Variants in RASSF8 observed in about 807,000 individuals in gnomAD.
RASSF8 encodes Ras association domain family member 8.
A neutral mutation model predicts 48.5 loss-of-function variants in RASSF8; 22 were observed. The ratio of observed to expected loss-of-function variants is 0.45; its 90% confidence interval spans 0.32 to 0.65. RASSF8 has a LOEUF of 0.65. RASSF8 is among the 30% of genes least tolerant of loss of function. The probability of loss-of-function intolerance (pLI) is 0.03; values close to 1 mark genes in which losing one functional copy is unlikely to be tolerated. For missense variants in RASSF8, 418 were observed against 489.2 expected (o/e 0.85, Z 1.37); for synonymous variants, 127 against 171.5 (o/e 0.74, Z 2.03).
At chr12:26,034,464 C>T (rs1013381411) in intron 2 of RASSF8, among the ~76,000 whole-genome samples, 2 of 151,844 alleles carry the variant, frequency 1.3e-5, no homozygotes, top group South Asian at 4.2e-4. Context: ...TATGTTGGGC[C>T]GCATTTAAAG....
At chr12:26,012,485 AAGG>A (rs1351908370) in intron 2 of RASSF8, among the ~76,000 whole-genome samples, 5 of 152,156 alleles carry the variant, frequency 3.3e-5, no homozygotes, top group Non-Finnish European at 7.3e-5. Flanking sequence ...GTTTCTGAAA[AAGG>A]AGGAATAGAC....
chr12:25,962,216 A>C (rs773782455), intron 1 of RASSF8, among the ~76,000 whole-genome samples: 4 of 152,190 alleles, frequency 2.6e-5, no homozygotes, highest in Non-Finnish European at 5.9e-5. Context: ...CATCTTGGCC[A>C]GTTCTCCAGC....
At position 25,962,769 on chromosome 12, in the gene RASSF8, C is replaced by T. The variant is rs115260720; in HGVS notation, c.-203+3621C>T. 2.7e-3 allele frequency among the ~76,000 whole-genome samples: 404 copies of T among 152,184 alleles called. 4 individuals carry two copies. Among genetic ancestry groups the T allele is most frequent in the African/African-American group, 9.4e-3 (389 of 41,508 alleles). On this transcript the variant is annotated intron_variant, in intron 1 of 5. Coordinates refer to ENST00000689635, the MANE Select transcript of RASSF8 (RefSeq NM_001394098.1). ...GCCTTCTTTATCACTGTTAAATTTGCTTTTCATGATAGAAAAGCCAGACCC... is the reference window on the plus strand; with the variant it reads ...GCCTTCTTTATCACTGTTAAATTTGTTTTTCATGATAGAAAAGCCAGACCC...
At chr12:26,011,854 C>G (rs1385498704) in intron 2 of RASSF8, 1 of 152,168 alleles carries the variant, frequency 6.6e-6, no homozygotes, top group Non-Finnish European at 1.5e-5. Context: ...TCATAAGCCA[C>G]CCAGTTTATG....
chr12:26,026,689 GC>G (rs1186635165), intron 2 of RASSF8, among the ~76,000 whole-genome samples: 1 of 152,102 alleles, frequency 6.6e-6, no homozygotes, highest in Non-Finnish European at 1.5e-5. Context: ...GCCCACCTCG[GC>G]CCCCCAAAGT....
chr12:26,003,543 T>A (rs1942313261), intron 2 of RASSF8, among the ~76,000 whole-genome samples: 1 of 152,088 alleles, frequency 6.6e-6, no homozygotes, highest in Admixed American at 6.6e-5. Flanking sequence ...TTTTAACTCT[T>A]TAATGAAATG....
intron 2 of RASSF8, among the ~76,000 whole-genome samples, chr12:26,041,321 AT>A (rs1403154080): frequency 6.6e-6 from 1 of 152,034 alleles, no homozygotes; most frequent in Non-Finnish European, 1.5e-5. Flanking sequence ...GCTTTTAGAG[AT>A]TTTCATTCTT....
chr12:26,047,281 C>A (rs1255655682), intron 2 of RASSF8, among the ~76,000 whole-genome samples: 1 of 152,068 alleles, frequency 6.6e-6, no homozygotes, highest in East Asian at 1.9e-4. Flanking sequence ...TGTAAGGTCC[C>A]ATATTGTTCC....
In RASSF8 at chr12:26,070,122, T is replaced by G. The variant is rs1943969373; in HGVS notation, c.*1304T>G. The G allele has an allele frequency of 1.0e-6, 1 of 971,830 alleles. No homozygotes were observed. The highest frequency in any genetic ancestry group is 1.2e-6 in the Non-Finnish European group (1 of 817,678). The allele number at this position is 971,830 out of a possible 1,614,324, so 60.2% of individuals were successfully genotyped here. ...TTCCCTCTGGTTAGATTTGGTACAG[T>G]ATAATTAAGACTTTAATCTGAAATT... is the stretch of plus-strand genomic sequence containing the variant. On this transcript the variant is annotated 3_prime_UTR_variant, in exon 6 of 6. Coordinates refer to ENST00000689635, the MANE Select transcript of RASSF8 (RefSeq NM_001394098.1).
chr12:26,050,146 G>A (rs1366653481), intron 2 of RASSF8, among the ~76,000 whole-genome samples: 1 of 152,084 alleles, frequency 6.6e-6, no homozygotes, highest in South Asian at 2.1e-4. Context: ...TTGATTCATA[G>A]CATGTTTTAT....
chr12:26,070,600 C>A lies in RASSF8; in HGVS notation c.*1782C>A, dbSNP rs1481544765. On this transcript the variant is annotated 3_prime_UTR_variant, in exon 6 of 6. Transcript: ENST00000689635. ...ATTTATAGTAGTTATTTTCTATCTACCTATATTTAAAATTAGGATGATTAA... is the reference window on the plus strand; with the variant it reads ...ATTTATAGTAGTTATTTTCTATCTAACTATATTTAAAATTAGGATGATTAA... 2 of 961,910 alleles carry A rather than the reference C, an allele frequency of 2.1e-6. No individual in the cohort carries two copies. The highest frequency in any genetic ancestry group is 2.5e-6 in the Non-Finnish European group (2 of 808,856). The allele number at this position is 961,910 out of a possible 1,614,324, so 59.6% of individuals were successfully genotyped here. A position where few individuals can be genotyped will look rare whatever the true frequency, so the allele number is the denominator to read the frequency against.
rs56895234 is a variant in RASSF8 at position 26,019,563 on chromosome 12, C to CTGTG, written c.-109+24471_-109+24474dup. Among the ~76,000 whole-genome samples, 512 of 148,302 alleles carry CTGTG rather than the reference C, an allele frequency of 3.5e-3. 5 individuals carry two copies. Among genetic ancestry groups the CTGTG allele is most frequent in the Middle Eastern group, 0.027 (8 of 292 alleles). On this transcript the variant is annotated intron_variant, in intron 2 of 5. Coordinates refer to ENST00000689635, the MANE Select transcript of RASSF8 (RefSeq NM_001394098.1). ...GCTTGTGTGGAAGTTCGGGCATACA[C>CTGTG]TGTGTGTGTGTGTGTGTGTGTGTGT...
At chr12:26,079,317 G>T (rs972358048) in exon 6 of RASSF8, 1 of 315,424 alleles carries the variant, frequency 3.2e-6, no homozygotes. Flanking sequence ...GGGCATGGTG[G>T]CTCACGCCTG....
intron 3 of RASSF8, among the ~76,000 whole-genome samples, chr12:26,057,817 A>G (rs777456481): frequency 3.3e-5 from 5 of 152,200 alleles, no homozygotes; most frequent in Non-Finnish European, 7.3e-5. Flanking sequence ...AATGATCGCC[A>G]TTCCAACTGG....
At chr12:26,016,206 GTTTTT>G (rs35863199) in intron 2 of RASSF8, among the ~76,000 whole-genome samples, 1 of 144,074 alleles carries the variant, frequency 6.9e-6, no homozygotes, top group African/African-American at 2.5e-5. Context: ...CTGTTTTTGG[GTTTTT>G]TTTTTTTTTT....
At chr12:26,025,255 C>G (rs1270948832) in intron 2 of RASSF8, among the ~76,000 whole-genome samples, 2 of 151,928 alleles carry the variant, frequency 1.3e-5, no homozygotes, top group Non-Finnish European at 2.9e-5. Context: ...TAGGCAAGAA[C>G]ATGAGATAAG....
intron 2 of RASSF8, among the ~76,000 whole-genome samples, chr12:26,000,982 C>CTTTTTTTT (rs34793650): frequency 2.0e-4 from 16 of 81,046 alleles, no homozygotes; most frequent in South Asian, 4.8e-4. Context: ...TTAAAATTTC[C>CTTTTTTTT]TTTTTTTTTT....
chr12:26,035,958 A>G (rs1446890882), intron 2 of RASSF8, among the ~76,000 whole-genome samples: 2 of 146,742 alleles, frequency 1.4e-5, no homozygotes, highest in East Asian at 1.9e-4. Flanking sequence ...TATATATTAT[A>G]TATTTATAAT....
chr12:25,976,315 C>T lies in RASSF8; in HGVS notation c.-203+17167C>T, dbSNP rs145552150. Among the ~76,000 whole-genome samples, 360 of 152,358 alleles carry T rather than the reference C, an allele frequency of 2.4e-3. 1 individual carries two copies. The highest frequency in any genetic ancestry group is 8.2e-3 in the African/African-American group (340 of 41,586). On this transcript the variant is annotated intron_variant, in intron 1 of 5. Transcript: ENST00000689635. The stretch of plus-strand genomic sequence containing the variant: ...AATTGGCTGTCTGCAACAAATCATA[C>T]TGAGTGCAGGTGGAGTCTTCATTTG...
Sources: gnomAD v4.1 joint callset for allele counts (sites outside exome capture counted in the v4.1 genomes callset) on GRCh38, gnomAD v4.1.1 for gene constraint, MANE v1.5 for transcripts, NCBI Gene and HGNC (gene_info 2026-07-23, HGNC 2026-07-21) for gene names.